Variants in DAPK1 observed in about 807,000 individuals in gnomAD.
The protein encoded by DAPK1 is death associated protein kinase 1.
A neutral mutation model predicts 144.9 loss-of-function variants in DAPK1; 56 were observed. The ratio of observed to expected loss-of-function variants is 0.39; its 90% confidence interval spans 0.31 to 0.48. The LOEUF (loss-of-function observed/expected upper bound fraction) is 0.48, where lower values mean the gene tolerates loss of function less well. DAPK1 is among the 20% of genes least tolerant of loss of function. DAPK1 has a pLI of 0.95. For synonymous variants in DAPK1, 690 were observed against 749.0 expected, an observed-to-expected ratio of 0.92 and a Z score of 1.29; for missense variants, 1,454 against 1,875.4, an observed-to-expected ratio of 0.78 and a Z score of 4.15.
rs770262073 is a variant in DAPK1, at chr9:87,639,856, A to G, written c.629+41A>G. 7 of 1,604,040 alleles carry G rather than the reference A, an allele frequency of 4.4e-6. No individual in the cohort carries two copies. The South Asian group carries it at 4.4e-5, about 10-fold the overall frequency. ...CACAACTCATACTCTCTTCTCTTCTATGAGACCATAGGTTTAATTAACCAT... is the reference window on the plus strand; with the variant it reads ...CACAACTCATACTCTCTTCTCTTCTGTGAGACCATAGGTTTAATTAACCAT... On this transcript the variant is annotated intron_variant, in intron 7 of 25. Coordinates refer to ENST00000408954, the MANE Select transcript of DAPK1 (RefSeq NM_004938.4).
chr9:87,523,232 C>T (rs193253887), intron 2 of DAPK1, among the ~76,000 whole-genome samples: 3 of 152,268 alleles, frequency 2.0e-5, no homozygotes, highest in Admixed American at 1.3e-4. Context: ...TTAAAATAGT[C>T]GGATTTATCA....
chr9:87,687,072 T>G (rs534343683), intron 21 of DAPK1: 1 of 153,254 alleles, frequency 6.5e-6, no homozygotes, highest in African/African-American at 2.4e-5. Flanking sequence ...TATGTAATGA[T>G]CAAGTCACAT....
chr9:87,616,719 A>G (rs36208409), intron 3 of DAPK1, among the ~76,000 whole-genome samples: 146 of 152,224 alleles, frequency 9.6e-4, no homozygotes, highest in African/African-American at 3.5e-3. Context: ...AAAGTAAAAC[A>G]GGGGAGTGGT....
At chr9:87,694,850 G>A (rs770429497) in intron 21 of DAPK1, among the ~76,000 whole-genome samples, 2 of 152,138 alleles carry the variant, frequency 1.3e-5, no homozygotes, top group East Asian at 1.9e-4. Context: ...AAATGGTGCC[G>A]CACTGTAGCT....
rs540591421 is a variant in DAPK1 at position 87,611,196 on chromosome 9, G to A, written c.284+6021G>A. On this transcript the variant is annotated intron_variant, in intron 3 of 25. Coordinates refer to ENST00000408954, the MANE Select transcript of DAPK1 (RefSeq NM_004938.4). ...TTTAAAAAATATACAGTTTAAAACAGTGGCTCTTAAACTTTAGCATGCATC... is the reference window on the plus strand; with the variant it reads ...TTTAAAAAATATACAGTTTAAAACAATGGCTCTTAAACTTTAGCATGCATC... Among the ~76,000 whole-genome samples the A allele has an allele frequency of 2.0e-5, 3 of 152,332 alleles. 1 individual carries two copies. The highest frequency in any genetic ancestry group is 6.5e-5 in the Admixed American group (1 of 15,306).
Position 87,622,054 on chromosome 9 carries a change from C to T in DAPK1, c.285-15889C>T, listed in dbSNP as rs1462464288. 2.7e-5 allele frequency among the ~76,000 whole-genome samples: 4 copies of T among 146,414 alleles called. No individual in the cohort carries two copies. The East Asian group carries it at 7.9e-4, about 29-fold the overall frequency. ...TGGCTTTCATGCTGGCTGCCTTGCACTTTTTTTTTTTTTTATTTCTCTGAG... is the reference window on the plus strand; with the variant it reads ...TGGCTTTCATGCTGGCTGCCTTGCATTTTTTTTTTTTTTTATTTCTCTGAG... On this transcript the variant is annotated intron_variant, in intron 3 of 25. Coordinates refer to ENST00000408954, the MANE Select transcript of DAPK1 (RefSeq NM_004938.4).
rs374558131 is a variant in DAPK1, at chr9:87,602,629, C to CT, written c.63-2315dup. On this transcript the variant is annotated intron_variant, in intron 2 of 25. Coordinates refer to ENST00000408954, the MANE Select transcript of DAPK1 (RefSeq NM_004938.4). ...TCCTGCCAGAAGGATTTTCTTTTTT[C>CT]TTTTTTTTTTCTTTTTCCCCCTGAG... Among the ~76,000 whole-genome samples, 1,372 of 149,630 alleles carry CT rather than the reference C, an allele frequency of 9.2e-3. 27 individuals carry two copies. The highest frequency in any genetic ancestry group is 0.031 in the African/African-American group (1,273 of 40,758).
rs967498201 is a variant in DAPK1, at chr9:87,640,172, T to C, written c.630-126T>C. 2.4e-5 allele frequency: 23 copies of C among 976,736 alleles called. 1 individual carries two copies. The highest frequency in any genetic ancestry group is 2.2e-4 in the South Asian group (13 of 59,458). 60.5% of individuals were successfully genotyped at this position (976,736 alleles called of 1,614,324 possible). A position where few individuals can be genotyped will look rare whatever the true frequency, so the allele number is the denominator to read the frequency against. On this transcript the variant is annotated intron_variant, in intron 7 of 25. Coordinates refer to ENST00000408954, the MANE Select transcript of DAPK1 (RefSeq NM_004938.4). ...CTGACAGTTAAAGCCCTATGAAATA[T>C]AATCAAACTGTGACTATTCGAGCAC...
chr9:87,530,952 G>A (rs1275532818), intron 2 of DAPK1, among the ~76,000 whole-genome samples: 1 of 152,162 alleles, frequency 6.6e-6, no homozygotes, highest in Non-Finnish European at 1.5e-5. Context: ...GGGGGATGGA[G>A]CAGCTGTGAG....
chr9:87,601,575 G>A (rs1375485769), intron 2 of DAPK1, among the ~76,000 whole-genome samples: 1 of 152,064 alleles, frequency 6.6e-6, no homozygotes, highest in African/African-American at 2.4e-5. Flanking sequence ...GTACTTGGGG[G>A]GTAATACTGC....
At chr9:87,655,282 T>C (rs984967546) in intron 17 of DAPK1, among the ~76,000 whole-genome samples, 2 of 151,918 alleles carry the variant, frequency 1.3e-5, no homozygotes, top group Non-Finnish European at 2.9e-5. Context: ...GCTTTGATGC[T>C]CCCATCATCA....
At chr9:87,563,363 T>A (rs1348274330) in intron 2 of DAPK1, among the ~76,000 whole-genome samples, 1 of 152,190 alleles carries the variant, frequency 6.6e-6, no homozygotes, top group Non-Finnish European at 1.5e-5. Context: ...TGGTTCACAC[T>A]CCCATTTGAA....
At chr9:87,578,295 C>A (rs140173600) in intron 2 of DAPK1, among the ~76,000 whole-genome samples, 2 of 152,024 alleles carry the variant, frequency 1.3e-5, no homozygotes, top group African/African-American at 4.8e-5. Context: ...CATTTTTAAC[C>A]GAATATTACA....
chr9:87,558,927 G>T (rs1274687307), intron 2 of DAPK1, among the ~76,000 whole-genome samples: 2 of 152,168 alleles, frequency 1.3e-5, no homozygotes, highest in African/African-American at 4.8e-5. Context: ...GGGGCATCAG[G>T]GAGGTACCAC....
chr9:87,506,334 G>A (rs1179634240), intron 2 of DAPK1, among the ~76,000 whole-genome samples: 1 of 152,198 alleles, frequency 6.6e-6, no homozygotes, highest in Non-Finnish European at 1.5e-5. Flanking sequence ...AAGGCAACAG[G>A]GTCTGCCCTT....
chr9:87,697,981 G>A (rs930082154), intron 22 of DAPK1, among the ~76,000 whole-genome samples: 1 of 152,178 alleles, frequency 6.6e-6, no homozygotes, highest in Non-Finnish European at 1.5e-5. Flanking sequence ...ATGAAGAAAG[G>A]GAGCATGTTG....
chr9:87,507,428 C>T (rs1396758662), intron 2 of DAPK1, among the ~76,000 whole-genome samples: 1 of 152,226 alleles, frequency 6.6e-6, no homozygotes, highest in Non-Finnish European at 1.5e-5. Flanking sequence ...TGGTCTTGAA[C>T]TCCTGACCTC....
intron 2 of DAPK1, among the ~76,000 whole-genome samples, chr9:87,518,528 T>C (rs1224496121): frequency 2.6e-5 from 4 of 152,094 alleles, no homozygotes; most frequent in Admixed American, 1.3e-4. Flanking sequence ...CAAATCTTGC[T>C]CTTTTTTTAA....
At chr9:87,639,945 ACC>A in intron 7 of DAPK1, 130 bp downstream of exon 7, 1 of 948,698 alleles carries the variant, frequency 1.1e-6, no homozygotes, top group Non-Finnish European at 1.6e-6. Flanking sequence ...TTCATTTTAC[ACC>A]CCCAAAACAT....
Sources: allele counts gnomAD v4.1 joint callset (sites outside exome capture counted in the v4.1 genomes callset), GRCh38; gene constraint gnomAD v4.1.1; transcripts MANE v1.5; gene names NCBI Gene and HGNC (gene_info 2026-07-23, HGNC 2026-07-21).